TMEM232: variants seen among roughly 807,000 people sequenced by gnomAD.
The protein encoded by TMEM232 is transmembrane protein 232.
In TMEM232, 80 loss-of-function variants were observed where a neutral mutation model predicts 78.8. The ratio of observed to expected loss-of-function variants is 1.01; its 90% CI spans 0.85 to 1.22. The LOEUF is 1.22. TMEM232 is among the 50% of genes most tolerant of loss of function. The pLI is 0.00. For synonymous variants in TMEM232, 297 were observed against 254.3 expected (o/e 1.17, Z -1.60); for missense variants, 881 against 742.2 (o/e 1.19, Z -2.17).
chr5:110,712,448 T>C (rs1376487139), intron 1 of TMEM232, among the ~76,000 whole-genome samples: 1 of 151,908 alleles, frequency 6.6e-6, no homozygotes, highest in Non-Finnish European at 1.5e-5. Context: ...TCTGAATAGA[T>C]ATTTTTCAAA....
intron 2 of TMEM232, among the ~76,000 whole-genome samples, chr5:110,647,822 A>C (rs1010016874): frequency 2.0e-5 from 3 of 151,992 alleles, no homozygotes; most frequent in Non-Finnish European, 4.4e-5. Flanking sequence ...TTATACACTG[A>C]TCTAACATTC....
chr5:110,438,459 G>A (rs1303689787), intron 12 of TMEM232, among the ~76,000 whole-genome samples: 1 of 150,994 alleles, frequency 6.6e-6, no homozygotes, highest in Non-Finnish European at 1.5e-5. Context: ...AAATTGTGAT[G>A]CTTTTTTTCA....
intron 10 of TMEM232, among the ~76,000 whole-genome samples, chr5:110,584,505 A>G (rs562161849): frequency 1.3e-5 from 2 of 152,208 alleles, no homozygotes; most frequent in East Asian, 1.9e-4. Context: ...TGGAGGCAAT[A>G]AGAGAATTGC....
upstream of TMEM232, among the ~76,000 whole-genome samples, chr5:110,730,390 T>C (rs1182058970): frequency 1.3e-5 from 2 of 152,274 alleles, no homozygotes; most frequent in Admixed American, 6.5e-5. Context: ...GATGACAATT[T>C]CTTAACTATT....
At chr5:110,712,181 T>C (rs1463527802) in intron 1 of TMEM232, among the ~76,000 whole-genome samples, 1 of 151,008 alleles carries the variant, frequency 6.6e-6, no homozygotes, top group Non-Finnish European at 1.5e-5. Context: ...TCCAGGACAT[T>C]GGTCTGGGCA....
chr5:110,616,531 G>T (rs1427313998), intron 8 of TMEM232, among the ~76,000 whole-genome samples: 4 of 151,796 alleles, frequency 2.6e-5, no homozygotes. Context: ...TATATTTAAA[G>T]AAAATATGTG....
Position 110,605,288 on chromosome 5 carries a change from G to T in TMEM232, c.1097C>A (p.Ala366Glu). ...AGTGGCTGCATACAAGCAGATTTCT[G>T]CAAGAATTACTGTATATATGTAGAC... The part of the protein sequence containing the change: ...NVVYIYTVIL[A>E]EICLYAATSD... The change falls in exon 10 of 14, where the codon GCA becomes GAA. Residue 366 changes from alanine to glutamate, a missense_variant. By Grantham distance (107) the Ala-to-Glu change is moderately radical. Transcript: ENST00000455884. 1 of 1,551,356 alleles carries T rather than the reference G, an allele frequency of 6.4e-7. No individual in the cohort carries two copies. Among genetic ancestry groups the T allele is most frequent in the Non-Finnish European group, 8.7e-7 (1 of 1,146,744 alleles).
intron 12 of TMEM232, among the ~76,000 whole-genome samples, chr5:110,473,583 A>G (rs1363803244): frequency 6.7e-6 from 1 of 149,598 alleles, no homozygotes; most frequent in Admixed American, 6.6e-5. Flanking sequence ...AAAATTAAAA[A>G]TTAAAAAATT....
chr5:110,484,812 T>C (rs1319412300), intron 12 of TMEM232, among the ~76,000 whole-genome samples: 3 of 152,002 alleles, frequency 2.0e-5, no homozygotes, highest in African/African-American at 7.2e-5. Flanking sequence ...GTACATCTAA[T>C]AATAGCCTCA....
At chr5:110,543,140 C>T (rs1165786951) in intron 11 of TMEM232, among the ~76,000 whole-genome samples, 2 of 152,144 alleles carry the variant, frequency 1.3e-5, no homozygotes, top group Non-Finnish European at 2.9e-5. Context: ...TCAAGACCCT[C>T]CACCGATAAC....
At chr5:110,506,669 C>A (rs901903221) in intron 12 of TMEM232, among the ~76,000 whole-genome samples, 2 of 152,122 alleles carry the variant, frequency 1.3e-5, no homozygotes, top group African/African-American at 4.8e-5. Context: ...TAAGGAATCA[C>A]TTTGTGACAG....
chr5:110,537,143 C>T (rs960272199), intron 11 of TMEM232, among the ~76,000 whole-genome samples: 1 of 152,056 alleles, frequency 6.6e-6, no homozygotes, highest in African/African-American at 2.4e-5. Context: ...TTTTCCAGAC[C>T]ACTATGGGCA....
intron 12 of TMEM232, among the ~76,000 whole-genome samples, chr5:110,477,180 G>A (rs111424601): frequency 8.6e-5 from 13 of 151,904 alleles, no homozygotes; most frequent in African/African-American, 2.9e-4. Context: ...TGGCATTAAT[G>A]TAACTTCTAC....
At position 110,446,626 on chromosome 5, in the gene TMEM232, A is replaced by T. The variant is rs115419715; in HGVS notation, c.1704-21710T>A. 8.5e-3 allele frequency among the ~76,000 whole-genome samples: 1,293 copies of T among 152,266 alleles called. 20 individuals are homozygous for T. The highest frequency in any genetic ancestry group is 0.029 in the African/African-American group (1,215 of 41,552). On this transcript the variant is annotated intron_variant, in intron 12 of 13. Coordinates refer to ENST00000455884, the MANE Select transcript of TMEM232 (RefSeq NM_001039763.4). ...ATAATGGTGTAAGACTTTAGGCTTC[A>T]GTCTAAACCACTAAGAATCCCTAAA...
At chr5:110,496,120 G>C (rs1765612917) in intron 12 of TMEM232, among the ~76,000 whole-genome samples, 1 of 151,666 alleles carries the variant, frequency 6.6e-6, no homozygotes, top group African/African-American at 2.4e-5. Context: ...AAAATGTAGA[G>C]GTTTTGTTAA....
At chr5:110,647,137 T>A (rs1417244396) in intron 2 of TMEM232, among the ~76,000 whole-genome samples, 1 of 151,954 alleles carries the variant, frequency 6.6e-6, no homozygotes, top group African/African-American at 2.4e-5. Context: ...AAGCATTGTA[T>A]GTGTACAAAA....
chr5:110,469,898 T>G (rs111451000), intron 12 of TMEM232, among the ~76,000 whole-genome samples: 96 of 152,274 alleles, frequency 6.3e-4, no homozygotes, highest in Non-Finnish European at 1.1e-3. Flanking sequence ...TTCCCTGAAG[T>G]TGGAATAGTC....
At chr5:110,469,667 T>C (rs539866954) in intron 12 of TMEM232, among the ~76,000 whole-genome samples, 4 of 152,196 alleles carry the variant, frequency 2.6e-5, no homozygotes, top group Non-Finnish European at 5.9e-5. Flanking sequence ...GGTGATGCTC[T>C]GTATCCAGGG....
chr5:110,502,143 T>C (rs529028184), intron 12 of TMEM232, among the ~76,000 whole-genome samples: 1 of 152,356 alleles, frequency 6.6e-6, no homozygotes, highest in South Asian at 2.1e-4. Context: ...TCTGATCTTT[T>C]AGGAATGTTG....
Sources: gnomAD v4.1 joint callset for allele counts (sites outside exome capture counted in the v4.1 genomes callset) on GRCh38, gnomAD v4.1.1 for gene constraint, MANE v1.5 for transcripts, NCBI Gene and HGNC (gene_info 2026-07-23, HGNC 2026-07-21) for gene names.